TTC7A: variants seen among roughly 807,000 people sequenced by gnomAD.
TTC7A encodes the protein tetratricopeptide repeat domain 7A, also known as tetratricopeptide repeat protein 7A.
Under a neutral mutation model 103.7 loss-of-function variants are expected in TTC7A, and 110 were observed. That is an observed-to-expected ratio of 1.06 (90% confidence interval 0.91 to 1.24). TTC7A has a LOEUF of 1.24. Ranked by LOEUF, TTC7A falls within the 50% of genes most tolerant of loss-of-function variation. The pLI, the probability that TTC7A is intolerant of heterozygous loss-of-function variation, is 0.00. For synonymous variants in TTC7A, 521 were observed against 467.9 expected (o/e 1.11, Z -1.47); for missense variants, 1,340 against 1,116.3 (o/e 1.20, Z -2.86).
At chr2:46,980,148 G>T (rs1674291831) in intron 5 of TTC7A, among the ~76,000 whole-genome samples, 1 of 149,312 alleles carries the variant, frequency 6.7e-6, no homozygotes, top group African/African-American at 2.5e-5. Context: ...ATACATGATT[G>T]TTGCATATGG....
intron 19 of TTC7A, among the ~76,000 whole-genome samples, chr2:47,070,839 A>G (rs968412747): frequency 3.3e-5 from 5 of 152,184 alleles, no homozygotes; most frequent in Non-Finnish European, 4.4e-5. Flanking sequence ...TGATCACCAT[A>G]AACAACTTGG....
chr2:47,045,981 A>G (rs1281476926), intron 15 of TTC7A, among the ~76,000 whole-genome samples: 2 of 152,202 alleles, frequency 1.3e-5, no homozygotes, highest in Non-Finnish European at 2.9e-5. Flanking sequence ...GGATGTGGGT[A>G]GGAAGAGCAA....
chr2:47,029,493 C>A, intron 15 of TTC7A, 109 bp downstream of exon 15: 1 of 1,226,636 alleles, frequency 8.2e-7, no homozygotes, highest in Non-Finnish European at 1.2e-6. Context: ...ATGAAGTAAG[C>A]ACCCGCTGCA....
chr2:46,982,724 G>A (rs1572807703), intron 5 of TTC7A, among the ~76,000 whole-genome samples: 1 of 152,196 alleles, frequency 6.6e-6, no homozygotes, highest in Non-Finnish European at 1.5e-5. Flanking sequence ...ACAGCTTTGG[G>A]AAGCTGAGGC....
At chr2:47,064,857 C>A (rs897451675) in intron 19 of TTC7A, among the ~76,000 whole-genome samples, 3 of 152,230 alleles carry the variant, frequency 2.0e-5, no homozygotes, top group African/African-American at 7.2e-5. Context: ...AAACAATTTT[C>A]CCTCTACCTT....
intron 2 of TTC7A, among the ~76,000 whole-genome samples, chr2:46,926,418 G>C (rs563449479): frequency 1.9e-4 from 29 of 152,262 alleles, no homozygotes; most frequent in African/African-American, 7.0e-4. Flanking sequence ...TTAGAGCCCA[G>C]GTCGCCATGG....
intron 13 of TTC7A, among the ~76,000 whole-genome samples, chr2:47,024,084 C>A (rs1679605182): frequency 6.6e-6 from 1 of 152,216 alleles, no homozygotes; most frequent in Non-Finnish European, 1.5e-5. Flanking sequence ...CTCAGGCCCA[C>A]CGTCCCTGCC....
chr2:47,011,800 TCTGCAAGGGC>T (rs1241574707), intron 11 of TTC7A, among the ~76,000 whole-genome samples: 1 of 152,240 alleles, frequency 6.6e-6, no homozygotes, highest in Non-Finnish European at 1.5e-5. Flanking sequence ...TAGCATCCAA[TCTGCAAGGGC>T]CTGCAAGGCG....
At chr2:46,985,083 G>A (rs1674874130) in intron 5 of TTC7A, among the ~76,000 whole-genome samples, 1 of 152,192 alleles carries the variant, frequency 6.6e-6, no homozygotes, top group South Asian at 2.1e-4. Flanking sequence ...AGGGTTGTGG[G>A]TCAGTGGGTA....
intron 5 of TTC7A, among the ~76,000 whole-genome samples, chr2:46,988,601 A>C (rs961422074): frequency 6.6e-6 from 1 of 152,182 alleles, no homozygotes; most frequent in Non-Finnish European, 1.5e-5. Context: ...GTCTTCCCCA[A>C]ATATTTTTTT....
chr2:47,070,470 G>T (rs929163844), intron 19 of TTC7A, among the ~76,000 whole-genome samples: 1 of 152,224 alleles, frequency 6.6e-6, no homozygotes, highest in African/African-American at 2.4e-5. Context: ...TCTGAGCCTT[G>T]TTGAGCTGCT....
chr2:46,993,580 G>A (rs779722651), intron 6 of TTC7A, 52 bp downstream of exon 6: 1 of 1,565,178 alleles, frequency 6.4e-7, no homozygotes, highest in East Asian at 2.2e-5. Flanking sequence ...GCTTTGGTGG[G>A]AGACAACAGA....
rs960363204 is a variant in TTC7A, at chr2:47,009,462, C to T, written c.1288-1869C>T. On this transcript the variant is annotated intron_variant, in intron 10 of 19. Coordinates refer to ENST00000319190, the MANE Select transcript of TTC7A (RefSeq NM_020458.4). ...AGAGCACACCCTCGGCAAAGACACC[C>T]GCAATTAACCTAATAAGTCTGAGCC... Among the ~76,000 whole-genome samples, 14 of 152,214 alleles carry T rather than the reference C, an allele frequency of 9.2e-5. No individual in the cohort carries two copies. The South Asian group carries it at 2.5e-3, about 27-fold the overall frequency.
intron 8 of TTC7A, among the ~76,000 whole-genome samples, chr2:47,001,790 CGGA>C (rs202185326): frequency 0.015 from 2,218 of 145,486 alleles, 20 homozygotes; most frequent in Admixed American, 0.027. Flanking sequence ...ACCCAGGAGG[CGGA>C]GGTTGCAGTG....
intron 5 of TTC7A, among the ~76,000 whole-genome samples, chr2:46,982,841 C>T (rs1434035858): frequency 1.3e-5 from 2 of 151,986 alleles, no homozygotes; most frequent in African/African-American, 4.8e-5. Flanking sequence ...GTGGTGTGCA[C>T]CTGTGGTCCT....
chr2:46,973,979 C>T (rs977923442), intron 3 of TTC7A, among the ~76,000 whole-genome samples: 2 of 152,156 alleles, frequency 1.3e-5, no homozygotes, highest in African/African-American at 4.8e-5. Context: ...GTCCAGTAGC[C>T]AGGAGCAGCT....
rs561465659 is a variant in TTC7A, at chr2:46,992,291, C to T, written c.765-1159C>T. On this transcript the variant is annotated intron_variant, in intron 5 of 19. Coordinates refer to ENST00000319190, the MANE Select transcript of TTC7A (RefSeq NM_020458.4). ...CTGGCCCTCAGGTGGCCACAGTGTG[C>T]GAGGGTCAGACCTGCAGGTAGAAAA... is the stretch of plus-strand genomic sequence containing the variant. 8.5e-5 allele frequency among the ~76,000 whole-genome samples: 13 copies of T among 152,204 alleles called. No homozygotes were observed. The South Asian group carries it at 2.3e-3, about 27-fold the overall frequency.
intron 2 of TTC7A, among the ~76,000 whole-genome samples, chr2:46,930,864 A>G (rs1179341059): frequency 6.6e-6 from 1 of 152,218 alleles, no homozygotes; most frequent in East Asian, 1.9e-4. Context: ...AAATAGCTGA[A>G]TGGAAAAATA....
chr2:47,029,479 A>G lies in TTC7A; in HGVS notation c.1802+95A>G, dbSNP rs7575628. 0.26 allele frequency: 367,360 copies of G among 1,404,030 alleles called. 53,416 individuals carry two copies. The highest frequency in any genetic ancestry group is 0.59 in the East Asian group (25,770 of 43,540). 87.0% of individuals were successfully genotyped at this position (1,404,030 alleles called of 1,614,324 possible). A position where few individuals can be genotyped will look rare whatever the true frequency, so the allele number is the denominator to read the frequency against. On this transcript the variant is annotated intron_variant, in intron 15 of 19. Coordinates refer to ENST00000319190, the MANE Select transcript of TTC7A (RefSeq NM_020458.4). The stretch of plus-strand genomic sequence containing the variant: ...CTGCCCTGCCATGGTGTCAGCCAAC[A>G]CACATGAAGTAAGCACCCGCTGCAT...
Sources: gnomAD v4.1 joint callset for allele counts (sites outside exome capture counted in the v4.1 genomes callset) on GRCh38, gnomAD v4.1.1 for gene constraint, MANE v1.5 for transcripts, NCBI Gene and HGNC (gene_info 2026-07-23, HGNC 2026-07-21) for gene names.